TRIB2: variants seen among roughly 807,000 people sequenced by gnomAD.
TRIB2 encodes tribbles pseudokinase 2, also known as tribbles homolog 2.
A neutral mutation model predicts 26.8 loss-of-function variants in TRIB2; 2 were observed. The ratio of observed to expected loss-of-function variants is 0.07; its 90% CI spans 0.03 to 0.24. TRIB2 has a LOEUF of 0.24. Ranked by LOEUF, TRIB2 falls within the 10% of genes least tolerant of loss-of-function variation. TRIB2 has a pLI of 1.00. For synonymous variants in TRIB2, 189 were observed against 187.3 expected, an observed-to-expected ratio of 1.01 and a Z score of -0.08; for missense variants, 306 against 449.0, an observed-to-expected ratio of 0.68 and a Z score of 2.88.
rs1359749950 is a variant in TRIB2 at position 12,717,613 on chromosome 2, T to TG, written c.-695_-694insG. 2 of 397,084 alleles carry TG rather than the reference T, an allele frequency of 5.0e-6. No homozygotes were observed. The highest frequency in any genetic ancestry group is 4.1e-5 in the African/African-American group (2 of 48,610). 24.6% of individuals were successfully genotyped at this position (397,084 alleles called of 1,614,324 possible). A position where few individuals can be genotyped will look rare whatever the true frequency, so the allele number is the denominator to read the frequency against. ...AATGCTCCCTTGCAATTTTTCTTTT[T>TG]TTTGTTTGTTTGTTTAATTTTTGGA... On this transcript the variant is annotated 5_prime_UTR_variant, in exon 1 of 3. The change abolishes the stop of an existing upstream ORF in the 5' untranslated region. Transcript: ENST00000155926. This position sits in a 1 kb window ranked among gnomAD's most constrained non-coding sequence, Gnocchi z 4.8.
At chr2:12,723,684 A>G (rs1181372088) in intron 2 of TRIB2, 132 bp downstream of exon 2, 3 of 1,060,894 alleles carry the variant, frequency 2.8e-6, no homozygotes, top group Non-Finnish European at 4.0e-6. Flanking sequence ...TAGGAGGGCA[A>G]AAGGAAGTGA....
In TRIB2 at chr2:12,717,278, A is replaced by G. The variant is rs889209046; in HGVS notation, c.-1030A>G. On this transcript the variant is annotated 5_prime_UTR_variant, in exon 1 of 3. Transcript: ENST00000155926. The surrounding 1 kb of genome is among the most constrained non-coding windows in gnomAD (Gnocchi z 4.8). ...ACGAGATCCAGTTCTCCAGCGGGAA[A>G]GGGGCAAAGGAACGCCGCGCGTTGG... 2.5e-6 allele frequency: 1 copy of G among 398,108 alleles called. No homozygotes were observed. The highest frequency in any genetic ancestry group is 4.4e-6 in the Non-Finnish European group (1 of 225,740). The allele number at this position is 398,108 out of a possible 1,614,324, so 24.7% of individuals were successfully genotyped here. A position where few individuals can be genotyped will look rare whatever the true frequency, so the allele number is the denominator to read the frequency against.
chr2:12,718,268 G>T lies in TRIB2; in HGVS notation c.-40G>T. 2 of 1,591,084 alleles carry T rather than the reference G, an allele frequency of 1.3e-6. No individual in the cohort carries two copies. The highest frequency in any genetic ancestry group is 1.7e-6 in the Non-Finnish European group (2 of 1,166,962). ...CACTCGCCAGCGACTCATCTCTCCA[G>T]CGGGTTTTTTTTTGTTTGTCGTGTG... On this transcript the variant is annotated 5_prime_UTR_variant, in exon 1 of 3. Transcript: ENST00000155926. The surrounding 1 kb of genome is among the most constrained non-coding windows in gnomAD (Gnocchi z 4.0).
rs778123064 is a variant in TRIB2, at chr2:12,740,111, G to A, written c.564-215G>A. On this transcript the variant is annotated intron_variant, in intron 2 of 2. Coordinates refer to ENST00000155926, the MANE Select transcript of TRIB2 (RefSeq NM_021643.4). The surrounding 1 kb of genome is among the most constrained non-coding windows in gnomAD (Gnocchi z 5.8). ...TCAGCTGCATGAAAAGACCTTGTCA[G>A]TCTTGTTCACCCATGTGGGTGTCCT... 4.6e-5 allele frequency among the ~76,000 whole-genome samples: 7 copies of A among 152,228 alleles called. No individual in the cohort carries two copies. The highest frequency in any genetic ancestry group is 8.8e-5 in the Non-Finnish European group (6 of 68,042).
Position 12,717,105 on chromosome 2 carries a change from A to G in TRIB2, c.-1203A>G, listed in dbSNP as rs1362886871. Reference sequence around the variant, plus strand: ...CCGTCGGCCGTCCCCTTTAATTTTTAAATACACGGTCCCCTCTTTTCTCTG... The same window carrying G: ...CCGTCGGCCGTCCCCTTTAATTTTTGAATACACGGTCCCCTCTTTTCTCTG... On this transcript the variant is annotated 5_prime_UTR_variant, in exon 1 of 3. Coordinates refer to ENST00000155926, the MANE Select transcript of TRIB2 (RefSeq NM_021643.4). The surrounding 1 kb of genome is among the most constrained non-coding windows in gnomAD (Gnocchi z 4.8). 6.2e-6 allele frequency: 2 copies of G among 324,560 alleles called. No individual in the cohort carries two copies. The highest frequency in any genetic ancestry group is 9.6e-5 in the East Asian group (2 of 20,928). The allele number at this position is 324,560 out of a possible 1,614,324, so 20.1% of individuals were successfully genotyped here.
Position 12,732,870 on chromosome 2 carries a change from G to A in TRIB2, c.564-7456G>A, listed in dbSNP as rs1308709958. 6.6e-6 allele frequency among the ~76,000 whole-genome samples: 1 copy of A among 152,182 alleles called. No individual in the cohort carries two copies. The highest frequency in any genetic ancestry group is 1.5e-5 in the Non-Finnish European group (1 of 68,034). On this transcript the variant is annotated intron_variant, in intron 2 of 2. Transcript: ENST00000155926. The surrounding 1 kb of genome is among the most constrained non-coding windows in gnomAD (Gnocchi z 4.2). ...CTGGCAGCAGCTGACCTTTTCACTT[G>A]ACCCTTAAGCCTATCTGGACCGCCT... is the stretch of plus-strand genomic sequence containing the variant.
At chr2:12,728,851 C>T (rs890405230) in intron 2 of TRIB2, among the ~76,000 whole-genome samples, 1 of 152,142 alleles carries the variant, frequency 6.6e-6, no homozygotes, top group Non-Finnish European at 1.5e-5. Flanking sequence ...TTTCTCAGCT[C>T]TTAGTATCTT....
At chr2:12,723,155 T>C in intron 1 of TRIB2, 105 bp from the exon 2 acceptor site, 3 of 1,304,100 alleles carry the variant, frequency 2.3e-6, no homozygotes, top group Non-Finnish European at 3.1e-6. Flanking sequence ...TTCAGCATAT[T>C]TTCTGTCATC....
intron 2 of TRIB2, among the ~76,000 whole-genome samples, chr2:12,739,083 C>A (rs1246709929): frequency 1.3e-5 from 2 of 152,094 alleles, no homozygotes; most frequent in African/African-American, 4.8e-5. Context: ...GCTCATGGTT[C>A]TGTTCACACA....
In TRIB2 at chr2:12,717,088, C is replaced by A; in HGVS notation, c.-1220C>A. ...GGGATTGGCCTCGGGCACCGTCGGC[C>A]GTCCCCTTTAATTTTTAAATACACG... is the stretch of plus-strand genomic sequence containing the variant. On this transcript the variant is annotated 5_prime_UTR_variant, in exon 1 of 3. Coordinates refer to ENST00000155926, the MANE Select transcript of TRIB2 (RefSeq NM_021643.4). The surrounding 1 kb of genome is among the most constrained non-coding windows in gnomAD (Gnocchi z 4.8). 1 of 288,706 alleles carries A rather than the reference C, an allele frequency of 3.5e-6. No individual in the cohort carries two copies. Among genetic ancestry groups the A allele is most frequent in the Non-Finnish European group, 6.4e-6 (1 of 157,478 alleles). The allele number at this position is 288,706 out of a possible 1,614,324, so 17.9% of individuals were successfully genotyped here.
intron 1 of TRIB2, among the ~76,000 whole-genome samples, chr2:12,720,196 G>A (rs1400606011): frequency 6.6e-6 from 1 of 152,208 alleles, no homozygotes; most frequent in African/African-American, 2.4e-5. Flanking sequence ...TCTGGCCTCT[G>A]CTCATTCTTT....
rs749950718 is a variant in TRIB2 at position 12,740,330 on chromosome 2, C to T, written c.568C>T (p.Arg190Trp). Reference protein sequence around the residue: ...KFIFKDEERTRVKLESLEDAY... With the variant: ...KFIFKDEERTWVKLESLEDAY... ...TGTTTTCCTCCTTTCTTGCAGGACT[C>T]GGGTCAAGCTGGAAAGCCTGGAAGA... The change falls in exon 3 of 3, where the codon CGG becomes TGG. Residue 190 changes from arginine (R) to tryptophan (W), a missense_variant. Arg to Trp is a moderately radical substitution (Grantham distance 101). Transcript: ENST00000155926. This position sits in a 1 kb window ranked among gnomAD's most constrained non-coding sequence, Gnocchi z 5.8. 1.3e-5 allele frequency: 21 copies of T among 1,612,440 alleles called. No individual in the cohort carries two copies. Among genetic ancestry groups the T allele is most frequent in the East Asian group, 6.7e-5 (3 of 44,868 alleles).
At chr2:12,723,900 C>T (rs1256001987) in intron 2 of TRIB2, among the ~76,000 whole-genome samples, 2 of 152,216 alleles carry the variant, frequency 1.3e-5, no homozygotes, top group Non-Finnish European at 2.9e-5. Flanking sequence ...CCGCAGAACA[C>T]TCAGCAGCCA....
At chr2:12,730,459 C>T (rs1572482133) in intron 2 of TRIB2, among the ~76,000 whole-genome samples, 1 of 152,178 alleles carries the variant, frequency 6.6e-6, no homozygotes, top group East Asian at 1.9e-4. Context: ...AGTTAGGCAA[C>T]AGGTGTGCAC....
chr2:12,722,857 GTGT>G (rs1177995973), intron 1 of TRIB2, among the ~76,000 whole-genome samples: 1 of 152,142 alleles, frequency 6.6e-6, no homozygotes, highest in Non-Finnish European at 1.5e-5. Context: ...GGCAAATAAA[GTGT>G]TGTTGATGTC....
intron 2 of TRIB2, among the ~76,000 whole-genome samples, chr2:12,738,243 G>A (rs780234299): frequency 2.0e-5 from 3 of 152,162 alleles, no homozygotes; most frequent in South Asian, 2.1e-4. Flanking sequence ...TCAGGCAGAC[G>A]GAGGAAGAGA....
chr2:12,739,432 G>A lies in TRIB2; in HGVS notation c.564-894G>A, dbSNP rs117718684. 1.3e-3 allele frequency among the ~76,000 whole-genome samples: 195 copies of A among 152,262 alleles called. 1 individual carries two copies. In the East Asian group the frequency reaches 0.031, roughly 24 times the overall value. ...GCACCACCACGCTCTGCTAATTATC[G>A]TATTTTTAGTAGAGATGAGGTTTCA... On this transcript the variant is annotated intron_variant, in intron 2 of 2. Coordinates refer to ENST00000155926, the MANE Select transcript of TRIB2 (RefSeq NM_021643.4).
intron 2 of TRIB2, among the ~76,000 whole-genome samples, chr2:12,738,170 G>A (rs1661625117): frequency 6.6e-6 from 1 of 152,156 alleles, no homozygotes; most frequent in Non-Finnish European, 1.5e-5. Flanking sequence ...TGGTTAATTT[G>A]AACCTTGCCC....
chr2:12,722,828 C>CT (rs1015685377), intron 1 of TRIB2, among the ~76,000 whole-genome samples: 56 of 151,600 alleles, frequency 3.7e-4, no homozygotes, highest in African/African-American at 1.1e-3. Flanking sequence ...ATGTGCATTT[C>CT]TTTTTTTTTA....
Sources: gnomAD v4.1 joint callset for allele counts (sites outside exome capture counted in the v4.1 genomes callset) on GRCh38, gnomAD v4.1.1 for gene constraint, Gnocchi (gnomAD v3.1) non-coding constraint, MANE v1.5 for transcripts, NCBI Gene and HGNC (gene_info 2026-07-23, HGNC 2026-07-21) for gene names.